ERC2: variants seen among roughly 807,000 people sequenced by gnomAD.
The protein encoded by ERC2 is ELKS/RAB6-interacting/CAST family member 2.
Under a neutral mutation model 114.8 loss-of-function variants are expected in ERC2, and 42 were observed. The ratio of observed to expected loss-of-function variants is 0.37; its 90% CI spans 0.29 to 0.47. The LOEUF is 0.47. Ranked by LOEUF, ERC2 falls within the 20% of genes least tolerant of loss-of-function variation. The pLI is 0.99. For missense variants in ERC2, 939 were observed against 1,150.7 expected (o/e 0.82, Z 2.66); for synonymous variants, 454 against 425.5 (o/e 1.07, Z -0.82).
intron 5 of ERC2, among the ~76,000 whole-genome samples, chr3:56,142,593 T>G (rs926646250): frequency 1.3e-5 from 2 of 152,138 alleles, no homozygotes; most frequent in Non-Finnish European, 2.9e-5. Context: ...AAGTCTTGAT[T>G]TGGTTATCTT....
At chr3:56,273,686 C>T (rs2053810365) in intron 3 of ERC2, among the ~76,000 whole-genome samples, 1 of 151,894 alleles carries the variant, frequency 6.6e-6, no homozygotes, top group Non-Finnish European at 1.5e-5. Context: ...AGTAGAAGCT[C>T]CCAAAAAAAG....
intron 2 of ERC2, among the ~76,000 whole-genome samples, chr3:56,313,163 C>A (rs2056694675): frequency 6.7e-6 from 1 of 148,378 alleles, no homozygotes. Context: ...GGAAAATATA[C>A]CACAGTGATC....
intron 3 of ERC2, among the ~76,000 whole-genome samples, chr3:56,269,164 C>A (rs1320010660): frequency 2.6e-5 from 4 of 152,206 alleles, no homozygotes; most frequent in Admixed American, 2.6e-4. Flanking sequence ...ACACATCCAG[C>A]TGTAAAGGAT....
At chr3:55,788,425 A>G (rs2069689198) in intron 14 of ERC2, among the ~76,000 whole-genome samples, 1 of 152,148 alleles carries the variant, frequency 6.6e-6, no homozygotes, top group South Asian at 2.1e-4. Flanking sequence ...ATCAGCTACA[A>G]TGGGAGGACA....
chr3:56,335,932 C>G (rs2057828551), intron 2 of ERC2, among the ~76,000 whole-genome samples: 1 of 151,894 alleles, frequency 6.6e-6, no homozygotes, highest in Non-Finnish European at 1.5e-5. Context: ...CAAGGAAAAG[C>G]AAAATAGTCC....
At chr3:56,222,639 G>A (rs1044601401) in intron 3 of ERC2, among the ~76,000 whole-genome samples, 1 of 152,128 alleles carries the variant, frequency 6.6e-6, no homozygotes, top group East Asian at 1.9e-4. Flanking sequence ...AGAATGGAAG[G>A]TCAGAGTACA....
intron 7 of ERC2, among the ~76,000 whole-genome samples, chr3:56,055,687 G>C (rs1211052673): frequency 6.6e-6 from 1 of 152,196 alleles, no homozygotes; most frequent in Admixed American, 6.5e-5. Context: ...CCACTCTCCG[G>C]GGGCCTATCA....
intron 2 of ERC2, among the ~76,000 whole-genome samples, chr3:56,307,566 G>A (rs2056300322): frequency 6.6e-6 from 1 of 152,170 alleles, no homozygotes; most frequent in Non-Finnish European, 1.5e-5. Flanking sequence ...AGAAAAGCGA[G>A]TCCTCAACTT....
At chr3:56,332,886 G>T (rs1361247312) in intron 2 of ERC2, among the ~76,000 whole-genome samples, 1 of 152,168 alleles carries the variant, frequency 6.6e-6, no homozygotes, top group African/African-American at 2.4e-5. Flanking sequence ...TGGGGTTATG[G>T]AGGGAAAAAG....
chr3:55,638,848 T>C (rs2060059859), intron 17 of ERC2, among the ~76,000 whole-genome samples: 1 of 152,174 alleles, frequency 6.6e-6, no homozygotes, highest in Non-Finnish European at 1.5e-5. Flanking sequence ...CTCACCAAAC[T>C]ACATTAGAAT....
chr3:56,089,945 T>G lies in ERC2; in HGVS notation c.1474-8961A>C, dbSNP rs534583076. Among the ~76,000 whole-genome samples the G allele has an allele frequency of 1.6e-3, 238 of 152,278 alleles. 1 individual carries two copies. The highest frequency in any genetic ancestry group is 5.4e-3 in the African/African-American group (226 of 41,570). Reference sequence around the variant, plus strand: ...GGGAAGTTGTACAGCTGTGATGTACTACATAGAGGCCAGGTGGTGGGGCAG... The same window carrying G: ...GGGAAGTTGTACAGCTGTGATGTACGACATAGAGGCCAGGTGGTGGGGCAG... On this transcript the variant is annotated intron_variant, in intron 6 of 17. Transcript: ENST00000288221.
chr3:56,273,404 C>T (rs1287929988), intron 3 of ERC2, among the ~76,000 whole-genome samples: 2 of 151,822 alleles, frequency 1.3e-5, no homozygotes, highest in East Asian at 1.9e-4. Flanking sequence ...CAGGCACACA[C>T]TACCATACCC....
chr3:56,282,678 G>GTGCTGCTGC (rs57092549), intron 3 of ERC2, among the ~76,000 whole-genome samples: 3,135 of 151,210 alleles, frequency 0.021, 117 homozygotes, highest in African/African-American at 0.07. Context: ...TCTAACAGTG[G>GTGCTGCTGC]TGCTGCTGCT....
At chr3:55,888,270 A>G (rs912103905) in intron 14 of ERC2, 119 bp downstream of exon 14, 4 of 1,179,578 alleles carry the variant, frequency 3.4e-6, no homozygotes, top group Admixed American at 2.3e-5. Context: ...TGACCAGGCA[A>G]GTGTGAGCTA....
intron 6 of ERC2, among the ~76,000 whole-genome samples, chr3:56,086,746 A>G (rs2077525379): frequency 6.6e-6 from 1 of 152,146 alleles, no homozygotes; most frequent in Admixed American, 6.5e-5. Flanking sequence ...TCAATGACTG[A>G]AATTAAAGTT....
intron 14 of ERC2, among the ~76,000 whole-genome samples, chr3:55,801,556 C>T (rs112156538): frequency 6.6e-6 from 1 of 151,302 alleles, no homozygotes; most frequent in Non-Finnish European, 1.5e-5. Context: ...GGACCAATTT[C>T]CTTAAAACAA....
At chr3:56,203,520 G>A (rs1437733275) in intron 3 of ERC2, among the ~76,000 whole-genome samples, 4 of 152,184 alleles carry the variant, frequency 2.6e-5, no homozygotes, top group East Asian at 3.9e-4. Context: ...TGCATCAAAC[G>A]TTTTCTACAT....
rs13089505 is a variant in ERC2 at position 55,516,010 on chromosome 3, T to C, written c.*40-4734A>G. ...TTAATGTCCATTATGTTCCATGTGC[T>C]TTCCAAATGTGTGCAGTGTGCCCCC... On this transcript the variant is annotated intron_variant, in intron 17 of 17. Coordinates refer to ENST00000288221, the MANE Select transcript of ERC2 (RefSeq NM_015576.3). Among the ~76,000 whole-genome samples the C allele has an allele frequency of 5.0e-3, 761 of 152,288 alleles. 1 individual carries two copies. Among genetic ancestry groups the C allele is most frequent in the Non-Finnish European group, 7.7e-3 (524 of 68,026 alleles).
At chr3:56,193,529 T>C (rs1187749137) in intron 3 of ERC2, among the ~76,000 whole-genome samples, 1 of 152,102 alleles carries the variant, frequency 6.6e-6, no homozygotes, top group East Asian at 1.9e-4. Flanking sequence ...AATCAAAATG[T>C]TACCAGAAAT....
Sources: gnomAD v4.1 joint callset for allele counts (sites outside exome capture counted in the v4.1 genomes callset) on GRCh38, gnomAD v4.1.1 for gene constraint, MANE v1.5 for transcripts, NCBI Gene and HGNC (gene_info 2026-07-23, HGNC 2026-07-21) for gene names.